BCAS3: variants seen among roughly 807,000 people sequenced by gnomAD.
The protein encoded by BCAS3 is BCAS4/BCAS3 fusion.
In BCAS3, 53 loss-of-function variants were observed where a neutral mutation model predicts 116.1. That is an observed-to-expected ratio of 0.46 (90% CI 0.37 to 0.57). The LOEUF is 0.57. Ranked by LOEUF, BCAS3 falls within the 20% of genes least tolerant of loss-of-function variation. BCAS3 has a pLI of 0.00. For missense variants in BCAS3, 917 were observed against 1,165.4 expected, an observed-to-expected ratio of 0.79 and a Z score of 3.10; for synonymous variants, 391 against 408.2, an observed-to-expected ratio of 0.96 and a Z score of 0.51.
At chr17:60,805,857 GT>G (rs558273934) in intron 6 of BCAS3, among the ~76,000 whole-genome samples, 99 of 122,128 alleles carry the variant, frequency 8.1e-4, no homozygotes, top group Admixed American at 1.1e-3. Flanking sequence ...CTCAGCCTAA[GT>G]TTTTTTTTTT....
intron 19 of BCAS3, among the ~76,000 whole-genome samples, chr17:61,059,528 TTG>T (rs1441061438): frequency 6.6e-6 from 1 of 152,146 alleles, no homozygotes; most frequent in Admixed American, 6.5e-5. Context: ...TTGTACTTAG[TTG>T]TGTGAGAATG....
intron 14 of BCAS3, among the ~76,000 whole-genome samples, chr17:60,976,343 G>A (rs1204523199): frequency 1.3e-5 from 2 of 150,156 alleles, no homozygotes; most frequent in African/African-American, 4.9e-5. Flanking sequence ...TTGTATGAAC[G>A]TATGTTTTTA....
intron 7 of BCAS3, among the ~76,000 whole-genome samples, chr17:60,841,055 TTAAA>T (rs2051853532): frequency 1.3e-5 from 2 of 152,098 alleles, no homozygotes; most frequent in East Asian, 3.8e-4. Flanking sequence ...TAAAAATTAT[TTAAA>T]TAAATGAAAA....
At chr17:60,679,049 C>T (rs1362914837) in intron 1 of BCAS3, among the ~76,000 whole-genome samples, 1 of 152,142 alleles carries the variant, frequency 6.6e-6, no homozygotes, top group South Asian at 2.1e-4. Flanking sequence ...CATGGTGAAA[C>T]CCCGTCGCTA....
intron 3 of BCAS3, among the ~76,000 whole-genome samples, chr17:60,688,589 C>T (rs750484402): frequency 2.0e-5 from 3 of 151,942 alleles, no homozygotes; most frequent in Non-Finnish European, 2.9e-5. Context: ...CGAGGCGGGG[C>T]GGATCACCTG....
At position 60,889,736 on chromosome 17, in the gene BCAS3, C is replaced by G; in HGVS notation, c.703C>G (p.Leu235Val). The change falls in exon 10 of 24, where the codon CTT (leucine) becomes GTT (valine). Residue 235 changes from leucine (L) to valine (V), a missense_variant. By Grantham distance (32) the Leu-to-Val change is conservative. Around this residue, in one of 3 missense-constraint regions of BCAS3, gnomAD observed 807 missense variants for 1,026.0 expected, o/e 0.79. Coordinates refer to ENST00000407086, the MANE Select transcript of BCAS3 (RefSeq NM_017679.5). ...CPGPNMNPIA[L>V]GSRWLAYAEN... ...AGGGCCAAACATGAATCCTATTGCT[C>G]TTGGGAGCCGCTGGCTTGCTTATGC... 1 of 1,613,350 alleles carries G rather than the reference C, an allele frequency of 6.2e-7. No individual in the cohort carries two copies. Among genetic ancestry groups the G allele is most frequent in the South Asian group, 1.1e-5 (1 of 91,038 alleles).
Position 61,279,467 on chromosome 17 carries a change from C to T in BCAS3, c.2426-88860C>T, listed in dbSNP as rs1022812136. ...TATTATTTGGGTTCTTCTTGAAGAG[C>T]AGCTTCTGCCTAGCCCATGGTGGCT... On this transcript the variant is annotated intron_variant, in intron 22 of 23. Coordinates refer to ENST00000407086, the MANE Select transcript of BCAS3 (RefSeq NM_017679.5). The surrounding 1 kb of genome is among the most constrained non-coding windows in gnomAD (Gnocchi z 4.4). 6.6e-6 allele frequency among the ~76,000 whole-genome samples: 1 copy of T among 152,114 alleles called. No individual in the cohort carries two copies. Among genetic ancestry groups the T allele is most frequent in the African/African-American group, 2.4e-5 (1 of 41,422 alleles).
chr17:60,955,386 A>ATT (rs1016334366), intron 14 of BCAS3, among the ~76,000 whole-genome samples: 42 of 128,070 alleles, frequency 3.3e-4, no homozygotes, highest in Admixed American at 5.4e-4. Flanking sequence ...GGGAAACTGA[A>ATT]TTTTTTTTTT....
intron 6 of BCAS3, among the ~76,000 whole-genome samples, chr17:60,768,188 A>G (rs1387480919): frequency 2.6e-5 from 4 of 151,896 alleles, no homozygotes; most frequent in Admixed American, 2.6e-4. Flanking sequence ...TATGAGTGGT[A>G]TCTGTGATTT....
At chr17:60,970,666 C>T (rs1003504932) in intron 14 of BCAS3, among the ~76,000 whole-genome samples, 1 of 151,942 alleles carries the variant, frequency 6.6e-6, no homozygotes, top group Non-Finnish European at 1.5e-5. Context: ...TTTAAATGCA[C>T]ATAATTTAAA....
At chr17:60,977,354 T>C (rs868440503) in intron 14 of BCAS3, among the ~76,000 whole-genome samples, 1 of 152,034 alleles carries the variant, frequency 6.6e-6, no homozygotes, top group Non-Finnish European at 1.5e-5. Flanking sequence ...TATTTTTCTT[T>C]TTTCTTTTTG....
At chr17:60,749,234 ATTGT>A (rs890089194) in intron 6 of BCAS3, among the ~76,000 whole-genome samples, 4 of 152,186 alleles carry the variant, frequency 2.6e-5, no homozygotes, top group African/African-American at 7.2e-5. Flanking sequence ...CTCTTGATTG[ATTGT>A]TTGGCTGGAT....
chr17:60,761,307 C>T (rs1489532185), intron 6 of BCAS3, among the ~76,000 whole-genome samples: 1 of 152,058 alleles, frequency 6.6e-6, no homozygotes, highest in East Asian at 1.9e-4. Flanking sequence ...TGGTTTGCTG[C>T]ACCCATTAAC....
At chr17:60,999,379 G>A (rs1358838061) in intron 15 of BCAS3, among the ~76,000 whole-genome samples, 2 of 151,516 alleles carry the variant, frequency 1.3e-5, no homozygotes, top group African/African-American at 4.8e-5. Context: ...CTCTACTAAA[G>A]AGACAAAAAA....
At chr17:61,080,755 G>A (rs913203816) in intron 21 of BCAS3, among the ~76,000 whole-genome samples, 5 of 152,156 alleles carry the variant, frequency 3.3e-5, no homozygotes, top group South Asian at 2.1e-4. Context: ...GTGAGACTCC[G>A]TCTCAAAACA....
intron 13 of BCAS3, among the ~76,000 whole-genome samples, chr17:60,930,940 T>A (rs1340805947): frequency 6.6e-6 from 1 of 152,176 alleles, no homozygotes; most frequent in Non-Finnish European, 1.5e-5. Context: ...GTAGGTTGGT[T>A]GACTGGGTGG....
At chr17:60,863,006 G>T (rs189872593) in intron 7 of BCAS3, among the ~76,000 whole-genome samples, 1 of 152,052 alleles carries the variant, frequency 6.6e-6, no homozygotes, top group African/African-American at 2.4e-5. Flanking sequence ...CAAGAAATAG[G>T]TTACAAAGAT....
rs530631910 is a variant in BCAS3, at chr17:61,023,996, T to C, written c.1637+8095T>C. On this transcript the variant is annotated intron_variant, in intron 16 of 23. Coordinates refer to ENST00000407086, the MANE Select transcript of BCAS3 (RefSeq NM_017679.5). This position sits in a 1 kb window ranked among gnomAD's most constrained non-coding sequence, Gnocchi z 4.8. ...CTCTGTTAATACAGAGAATATTTCA[T>C]TCAGTATACACTCCCACTCACATCA... Among the ~76,000 whole-genome samples the C allele has an allele frequency of 6.6e-6, 1 of 152,294 alleles. No homozygotes were observed. The highest frequency in any genetic ancestry group is 2.4e-5 in the African/African-American group (1 of 41,584).
At chr17:60,917,610 T>G (rs932456094) in intron 12 of BCAS3, among the ~76,000 whole-genome samples, 4 of 151,140 alleles carry the variant, frequency 2.6e-5, no homozygotes, top group African/African-American at 9.9e-5. Flanking sequence ...TTTTTTTTTA[T>G]TGAAATGGAG....
Sources: gnomAD v4.1 joint callset for allele counts (sites outside exome capture counted in the v4.1 genomes callset) on GRCh38, gnomAD v4.1.1 for gene constraint, gnomAD v4.1.1 regional missense constraint, Gnocchi (gnomAD v3.1) non-coding constraint, MANE v1.5 for transcripts, NCBI Gene and HGNC (gene_info 2026-07-23, HGNC 2026-07-21) for gene names.